The following ROR2 variants were observed in gnomAD, a reference collection of about 807,000 sequenced individuals.
ROR2 encodes ROR family WNT receptor 2, also known as tyrosine-protein kinase transmembrane receptor ROR2.
ROR2 carries 33 observed loss-of-function variants against 74.9 expected under a neutral mutation model. That is an observed-to-expected ratio of 0.44 (90% confidence interval 0.33 to 0.59). ROR2 has a LOEUF of 0.59. ROR2 is among the 20% of genes least tolerant of loss of function. The pLI is 0.02. For synonymous variants in ROR2, 586 were observed against 558.7 expected (o/e 1.05, Z -0.69); for missense variants, 1,216 against 1,313.8 (o/e 0.93, Z 1.15).
chr9:91,830,809 CGTGTGTGTGT>C lies in ROR2; in HGVS notation c.98-55001_98-54992del, dbSNP rs34963566. On this transcript the variant is annotated intron_variant, in intron 1 of 8. Transcript: ENST00000375708. ...TTTACCAAAACTAAATAACTGTGTC[CGTGTGTGTGT>C]GTGTGTGTGTGTGTGTGTGTGTGTG... 4.4e-3 allele frequency among the ~76,000 whole-genome samples: 616 copies of C among 139,672 alleles called. 4 individuals carry two copies. The highest frequency in any genetic ancestry group is 0.015 in the East Asian group (73 of 4,772). 91.6% of individuals were successfully genotyped at this position (139,672 alleles called of 152,430 possible).
intron 1 of ROR2, among the ~76,000 whole-genome samples, chr9:91,808,416 G>A (rs1235421998): frequency 6.6e-6 from 1 of 151,978 alleles, no homozygotes; most frequent in African/African-American, 2.4e-5. Context: ...GGGCGGAAGA[G>A]GTCAGGAGAT....
At chr9:91,839,323 T>C (rs1057471459) in intron 1 of ROR2, among the ~76,000 whole-genome samples, 2 of 149,358 alleles carry the variant, frequency 1.3e-5, no homozygotes, top group Admixed American at 1.3e-4. Flanking sequence ...CCTGTGTGTA[T>C]ATGTGTGGTG....
At position 91,789,552 on chromosome 9, in the gene ROR2, C is replaced by A. The variant is rs148540304; in HGVS notation, c.98-13734G>T. Among the ~76,000 whole-genome samples, 398 of 152,018 alleles carry A rather than the reference C, an allele frequency of 2.6e-3. 4 individuals carry two copies. The highest frequency in any genetic ancestry group is 9.2e-3 in the African/African-American group (382 of 41,444). On this transcript the variant is annotated intron_variant, in intron 1 of 8. Transcript: ENST00000375708. ...TATAAAGTCTATGACACTAATAGTT[C>A]AAAAGAGAGGGAAGGGAAGCAAGAT...
intron 1 of ROR2, among the ~76,000 whole-genome samples, chr9:91,918,973 G>T (rs1831203926): frequency 6.6e-6 from 1 of 152,092 alleles, no homozygotes; most frequent in African/African-American, 2.4e-5. Context: ...CCTCTCTGAG[G>T]TCTTCCCCGC....
rs34491822 is a variant in ROR2, at chr9:91,724,209, G to A, written c.2285C>T (p.Ser762Leu). Residue 762 changes from serine (S) to leucine (L), a missense_variant, in exon 9 of 9, where the codon TCG becomes TTG. Coordinates refer to ENST00000375708, the MANE Select transcript of ROR2 (RefSeq NM_004560.4). Reference sequence around the variant, plus strand: ...GGTCTGCGTGGTGTTGCTGGCCCCCGAGGTCTGCGCCGAGCTGTTGTAGTT... The same window carrying A: ...GGTCTGCGTGGTGTTGCTGGCCCCCAAGGTCTGCGCCGAGCTGTTGTAGTT... ...LSNYNSSAQT[S>L]GASNTTQTSS... The A allele has an allele frequency of 3.8e-3, 6,145 of 1,613,236 alleles. 12 individuals carry two copies. Among genetic ancestry groups the A allele is most frequent in the Non-Finnish European group, 4.6e-3 (5,376 of 1,180,018 alleles).
Position 91,726,730 on chromosome 9 carries a change from G to A in ROR2, c.1197C>T (p.Ser399=). The stretch of plus-strand genomic sequence containing the variant: ...AGATGTACAGAATCCCCATCTTGCT[G>A]CTGTCTCGGGGACCTGTGAACAATA... ...CDVPSCSPRD[S]SKMGILYILV... The change falls in exon 8 of 9, where the codon AGC becomes AGT. Residue 399 remains serine (S), a synonymous_variant. Coordinates refer to ENST00000375708, the MANE Select transcript of ROR2 (RefSeq NM_004560.4). 2.5e-6 allele frequency: 4 copies of A among 1,614,026 alleles called. No individual in the cohort carries two copies. The South Asian group carries it at 4.4e-5, about 18-fold the overall frequency.
At chr9:91,811,144 T>TCTAGGAAA (rs1249746559) in intron 1 of ROR2, among the ~76,000 whole-genome samples, 1 of 152,224 alleles carries the variant, frequency 6.6e-6, no homozygotes, top group Non-Finnish European at 1.5e-5. Flanking sequence ...GAATCTTTCC[T>TCTAGGAAA]TCCCACACCT....
intron 1 of ROR2, among the ~76,000 whole-genome samples, chr9:91,858,809 C>T (rs549059520): frequency 2.8e-4 from 42 of 152,240 alleles, no homozygotes; most frequent in Non-Finnish European, 5.0e-4. Context: ...CACAAGGACC[C>T]GTGAGGCCAG....
intron 1 of ROR2, among the ~76,000 whole-genome samples, chr9:91,851,759 G>A (rs1829099623): frequency 6.6e-6 from 1 of 152,110 alleles, no homozygotes; most frequent in Admixed American, 6.5e-5. Flanking sequence ...GGCAGATCAT[G>A]AGGTCAGTAG....
At chr9:91,770,373 G>A (rs1017942378) in intron 2 of ROR2, among the ~76,000 whole-genome samples, 51 of 152,370 alleles carry the variant, frequency 3.3e-4, no homozygotes, top group African/African-American at 1.1e-3. Flanking sequence ...CTGGCGGTCA[G>A]CACGGGGGCC....
chr9:91,819,601 CTG>C (rs976448972), intron 1 of ROR2, among the ~76,000 whole-genome samples: 4 of 150,152 alleles, frequency 2.7e-5, no homozygotes, highest in Admixed American at 6.6e-5. Flanking sequence ...TTCTGTGTGT[CTG>C]TGTTTGTCTG....
chr9:91,774,389 G>A (rs1007848913), intron 2 of ROR2, among the ~76,000 whole-genome samples: 1 of 152,200 alleles, frequency 6.6e-6, no homozygotes, highest in East Asian at 1.9e-4. Flanking sequence ...GCAGTTGATT[G>A]TTATGGACTG....
At chr9:91,860,171 C>A (rs1436431591) in intron 1 of ROR2, among the ~76,000 whole-genome samples, 1 of 152,176 alleles carries the variant, frequency 6.6e-6, no homozygotes, top group South Asian at 2.1e-4. Context: ...AGACCTTCGC[C>A]ATCTGGGAGA....
At chr9:91,775,364 A>G (rs779032940) in intron 2 of ROR2, among the ~76,000 whole-genome samples, 2 of 152,148 alleles carry the variant, frequency 1.3e-5, no homozygotes, top group Non-Finnish European at 2.9e-5. Flanking sequence ...CTGAAGCCAC[A>G]AGACAGAATT....
In ROR2 at chr9:91,807,874, C is replaced by T. The variant is rs575325179; in HGVS notation, c.98-32056G>A. ...CTATGACACGGCGACCCTCTCCAAG[C>T]TGATCTGACAGATGACACTGTCCAT... On this transcript the variant is annotated intron_variant, in intron 1 of 8. Coordinates refer to ENST00000375708, the MANE Select transcript of ROR2 (RefSeq NM_004560.4). Among the ~76,000 whole-genome samples, 3 of 152,240 alleles carry T rather than the reference C, an allele frequency of 2.0e-5. No homozygotes were observed. In the South Asian group the frequency reaches 6.2e-4, roughly 32 times the overall value.
At chr9:91,893,765 C>T (rs1165768833) in intron 1 of ROR2, among the ~76,000 whole-genome samples, 3 of 152,150 alleles carry the variant, frequency 2.0e-5, no homozygotes, top group Non-Finnish European at 4.4e-5. Flanking sequence ...CCATACCACC[C>T]ATCCAATCCG....
intron 1 of ROR2, among the ~76,000 whole-genome samples, chr9:91,815,741 AC>A (rs1230681570): frequency 1.3e-5 from 2 of 152,138 alleles, no homozygotes; most frequent in Non-Finnish European, 2.9e-5. Flanking sequence ...ATGCCAAACC[AC>A]CCTGCAATGC....
At chr9:91,770,589 T>A (rs1826196247) in intron 2 of ROR2, among the ~76,000 whole-genome samples, 1 of 152,162 alleles carries the variant, frequency 6.6e-6, no homozygotes, top group African/African-American at 2.4e-5. Context: ...TCAGAACAAC[T>A]AACATTCATC....
chr9:91,932,477 C>G (rs191774024), intron 1 of ROR2, among the ~76,000 whole-genome samples: 211 of 150,748 alleles, frequency 1.4e-3, no homozygotes, highest in African/African-American at 4.9e-3. Flanking sequence ...GCCAACATGG[C>G]AAAACTCCGT....
Sources: gnomAD v4.1 joint callset for allele counts (sites outside exome capture counted in the v4.1 genomes callset) on GRCh38, gnomAD v4.1.1 for gene constraint, MANE v1.5 for transcripts, NCBI Gene and HGNC (gene_info 2026-07-23, HGNC 2026-07-21) for gene names.